KCNJ6: variants seen among roughly 807,000 people sequenced by gnomAD.
KCNJ6 encodes the protein potassium inwardly rectifying channel subfamily J member 6, also known as G protein-activated inward rectifier potassium channel 2.
Under a neutral mutation model 34.2 loss-of-function variants are expected in KCNJ6, and 9 were observed. The observed-to-expected ratio is 0.26, with a 90% CI of 0.16 to 0.46. The LOEUF (loss-of-function observed/expected upper bound fraction) is 0.46, where lower values mean the gene tolerates loss of function less well. Ranked by LOEUF, KCNJ6 falls within the 20% of genes least tolerant of loss-of-function variation. The probability of loss-of-function intolerance (pLI) is 1.00; values close to 1 mark genes in which losing one functional copy is unlikely to be tolerated. For synonymous variants in KCNJ6, 196 were observed against 207.1 expected, an observed-to-expected ratio of 0.95 and a Z score of 0.46; for missense variants, 236 against 531.3, an observed-to-expected ratio of 0.44 and a Z score of 5.46.
rs2055410500 is a variant in KCNJ6 at position 37,828,678 on chromosome 21, T to C, written c.25+11980A>G. ...TGGCAGGCTGTCCTCCCCACCCTCGTAGCTGCGCTCTGCGGAGTTTCAGCC... is the reference window on the plus strand; with the variant it reads ...TGGCAGGCTGTCCTCCCCACCCTCGCAGCTGCGCTCTGCGGAGTTTCAGCC... On this transcript the variant is annotated intron_variant, in intron 2 of 3. Transcript: ENST00000609713. Among the ~76,000 whole-genome samples, 1 of 152,254 alleles carries C rather than the reference T, an allele frequency of 6.6e-6. No homozygotes were observed. The highest frequency in any genetic ancestry group is 1.5e-5 in the Non-Finnish European group (1 of 68,036).
chr21:37,638,938 T>G (rs1248874557), intron 3 of KCNJ6, among the ~76,000 whole-genome samples: 1 of 152,212 alleles, frequency 6.6e-6, no homozygotes, highest in Non-Finnish European at 1.5e-5. Context: ...GGTCACATCC[T>G]TAACTCTACT....
chr21:37,636,413 C>T (rs185982028), intron 3 of KCNJ6, among the ~76,000 whole-genome samples: 2 of 152,314 alleles, frequency 1.3e-5, no homozygotes, highest in East Asian at 1.9e-4. Flanking sequence ...TAGGAGTGTG[C>T]GTGTGTGCGT....
intron 1 of KCNJ6, among the ~76,000 whole-genome samples, chr21:37,875,507 G>C (rs907535079): frequency 1.3e-5 from 2 of 152,184 alleles, no homozygotes; most frequent in African/African-American, 4.8e-5. Flanking sequence ...GTCACAGGAG[G>C]CTCCTGGCTT....
intron 2 of KCNJ6, among the ~76,000 whole-genome samples, chr21:37,741,340 G>A (rs2054940550): frequency 6.6e-6 from 1 of 152,090 alleles, no homozygotes; most frequent in South Asian, 2.1e-4. Context: ...ATGTCCTCTG[G>A]CTTCCTGTTG....
At chr21:37,906,693 A>C (rs1369441570) in intron 1 of KCNJ6, among the ~76,000 whole-genome samples, 1 of 152,214 alleles carries the variant, frequency 6.6e-6, no homozygotes, top group African/African-American at 2.4e-5. Flanking sequence ...AACAGTGGCC[A>C]GTCAAGGAGA....
chr21:37,819,934 A>G (rs2055366042), intron 2 of KCNJ6, among the ~76,000 whole-genome samples: 1 of 147,340 alleles, frequency 6.8e-6, no homozygotes, highest in Admixed American at 6.8e-5. Context: ...ACAGGCGCTC[A>G]TCACCACACC....
intron 2 of KCNJ6, among the ~76,000 whole-genome samples, chr21:37,797,008 T>C (rs184029507): frequency 2.6e-5 from 4 of 151,822 alleles, no homozygotes; most frequent in East Asian, 3.9e-4. Context: ...TTAGCCAGGA[T>C]GGTCTCGATC....
chr21:37,769,494 C>A (rs1319482079), intron 2 of KCNJ6, among the ~76,000 whole-genome samples: 1 of 150,382 alleles, frequency 6.6e-6, no homozygotes, highest in Non-Finnish European at 1.5e-5. Context: ...TCAACATAGG[C>A]AATATATAAA....
At chr21:37,809,385 A>G (rs372875459) in intron 2 of KCNJ6, among the ~76,000 whole-genome samples, 73 of 150,288 alleles carry the variant, frequency 4.9e-4, no homozygotes, top group Middle Eastern at 3.4e-3. Context: ...TGGGGTGGGG[A>G]GAGGGGGGAG....
chr21:37,705,232 C>G (rs2054713537), intron 3 of KCNJ6, among the ~76,000 whole-genome samples: 1 of 152,158 alleles, frequency 6.6e-6, no homozygotes, highest in Non-Finnish European at 1.5e-5. Flanking sequence ...TTTGTGTAGG[C>G]TCCTCTAGAG....
At chr21:37,694,404 C>T (rs575789757) in intron 3 of KCNJ6, among the ~76,000 whole-genome samples, 1 of 152,294 alleles carries the variant, frequency 6.6e-6, no homozygotes, top group South Asian at 2.1e-4. Context: ...GTACTGTTAG[C>T]ATTTTTGGTA....
At chr21:37,751,967 C>T (rs750975383) in intron 2 of KCNJ6, among the ~76,000 whole-genome samples, 6 of 152,096 alleles carry the variant, frequency 3.9e-5, no homozygotes, top group Admixed American at 1.3e-4. Flanking sequence ...ATTAATGAAA[C>T]GCTAAGTTGG....
At chr21:37,669,879 T>C (rs857971) in intron 3 of KCNJ6, among the ~76,000 whole-genome samples, 148,977 of 152,298 alleles carry the variant, frequency 0.98, 72,897 homozygotes, top group East Asian at 1. Flanking sequence ...TTGATGAAGT[T>C]ATATTTATAT....
intron 3 of KCNJ6, among the ~76,000 whole-genome samples, chr21:37,705,532 ATTGATTGAGCACCTAC>A (rs2054715057): frequency 1.3e-5 from 2 of 152,218 alleles, no homozygotes; most frequent in South Asian, 4.1e-4. Flanking sequence ...CACTCTCTTA[ATTGATTGAGCACCTAC>A]TACGCACCAG....
At chr21:37,626,126 C>A (rs1486869646) in intron 3 of KCNJ6, among the ~76,000 whole-genome samples, 1 of 110,828 alleles carries the variant, frequency 9.0e-6, no homozygotes, top group Non-Finnish European at 1.8e-5. Flanking sequence ...AGCTTTTCCC[C>A]CTTCTTTTTT....
intron 3 of KCNJ6, among the ~76,000 whole-genome samples, chr21:37,646,218 AT>A (rs913003488): frequency 1.3e-5 from 2 of 152,106 alleles, no homozygotes; most frequent in African/African-American, 4.8e-5. Context: ...CATTTCAAAT[AT>A]TTTTTATATA....
At chr21:37,784,926 CA>C (rs1483602451) in intron 2 of KCNJ6, among the ~76,000 whole-genome samples, 1 of 152,176 alleles carries the variant, frequency 6.6e-6, no homozygotes, top group African/African-American at 2.4e-5. Flanking sequence ...CCTCACCCCT[CA>C]AGGGTACAGG....
At chr21:37,709,944 T>C (rs1013364686) in intron 3 of KCNJ6, among the ~76,000 whole-genome samples, 1 of 152,240 alleles carries the variant, frequency 6.6e-6, no homozygotes, top group South Asian at 2.1e-4. Flanking sequence ...TTCCGATTAA[T>C]TGGCCTTGCC....
chr21:37,694,026 AC>A (rs1170296596), intron 3 of KCNJ6, among the ~76,000 whole-genome samples: 4 of 152,128 alleles, frequency 2.6e-5, no homozygotes, highest in African/African-American at 9.7e-5. Context: ...TTTTTGTCTA[AC>A]AGTTTTGTGT....
Sources: allele counts gnomAD v4.1 joint callset (sites outside exome capture counted in the v4.1 genomes callset), GRCh38; gene constraint gnomAD v4.1.1; transcripts MANE v1.5; gene names NCBI Gene and HGNC (gene_info 2026-07-23, HGNC 2026-07-21).